The following CSMD1 variants were observed in gnomAD, a reference collection of about 807,000 sequenced individuals.
CSMD1 encodes the protein CUB and sushi domain-containing protein 1.
A neutral mutation model predicts 417.5 loss-of-function variants in CSMD1; 213 were observed. That is an observed-to-expected ratio of 0.51 (90% CI 0.46 to 0.57). CSMD1 has a LOEUF of 0.57. Among genes scored for constraint, CSMD1 ranks in the 20% least tolerant of loss-of-function variants. The pLI is 0.00. For missense variants in CSMD1, 6,923 were observed against 4,529.7 expected (o/e 1.53, Z -15.17); for synonymous variants, 2,862 against 1,736.8 (o/e 1.65, Z -16.11).
chr8:4,436,230 G>C (rs1238060), intron 2 of CSMD1, among the ~76,000 whole-genome samples: 2 of 151,994 alleles, frequency 1.3e-5, no homozygotes, highest in East Asian at 3.9e-4. Context: ...ACTTATTGTA[G>C]GACAAAATTA....
intron 3 of CSMD1, among the ~76,000 whole-genome samples, chr8:4,118,557 G>A (rs937683304): frequency 4.6e-5 from 7 of 152,190 alleles, no homozygotes; most frequent in African/African-American, 1.2e-4. Context: ...TCTCACGCCA[G>A]TAAAAATGGC....
intron 8 of CSMD1, among the ~76,000 whole-genome samples, chr8:3,602,249 G>C (rs1294469657): frequency 2.6e-5 from 4 of 152,280 alleles, no homozygotes; most frequent in Middle Eastern, 3.4e-3. Flanking sequence ...GGTAACTGGA[G>C]TGTGTTTAAT....
intron 1 of CSMD1, among the ~76,000 whole-genome samples, chr8:4,989,260 G>T (rs780156021): frequency 1.3e-4 from 19 of 151,952 alleles, no homozygotes; most frequent in Non-Finnish European, 1.8e-4. Flanking sequence ...GCATATCCAT[G>T]CCAGGTCTAC....
intron 3 of CSMD1, among the ~76,000 whole-genome samples, chr8:4,142,432 G>A (rs1324264583): frequency 6.6e-6 from 1 of 151,048 alleles, no homozygotes; most frequent in Non-Finnish European, 1.5e-5. Flanking sequence ...TACCATAACA[G>A]AACTAGTTTC....
Position 4,419,942 on chromosome 8 carries a change from C to A in CSMD1, c.415+11G>T. 6.5e-7 allele frequency: 1 copy of A among 1,533,262 alleles called. No homozygotes were observed. The highest frequency in any genetic ancestry group is 8.9e-7 in the Non-Finnish European group (1 of 1,125,476). 95.0% of individuals were successfully genotyped at this position (1,533,262 alleles called of 1,614,324 possible). On this transcript the variant is annotated intron_variant, in intron 3 of 69. Transcript: ENST00000635120. ...AGTGAATGCATGTGCAAAACACAAC[C>A]AATCTCCTACCTTCATATAATGCTT...
chr8:3,569,877 T>C (rs1364274245), intron 10 of CSMD1, among the ~76,000 whole-genome samples: 3 of 152,184 alleles, frequency 2.0e-5, no homozygotes, highest in Non-Finnish European at 4.4e-5. Flanking sequence ...ATACCTTGTT[T>C]CTTCTCTGAA....
chr8:3,172,860 G>A (rs369915093), intron 37 of CSMD1, among the ~76,000 whole-genome samples: 1 of 152,214 alleles, frequency 6.6e-6, no homozygotes, highest in East Asian at 1.9e-4. Flanking sequence ...ACAGTGGAGT[G>A]AGAAGCGGCA....
intron 1 of CSMD1, among the ~76,000 whole-genome samples, chr8:4,765,222 T>C (rs1044890579): frequency 9.2e-5 from 14 of 152,328 alleles, no homozygotes; most frequent in African/African-American, 3.1e-4. Flanking sequence ...GGCATAGCTC[T>C]TACCTAGGCT....
intron 11 of CSMD1, among the ~76,000 whole-genome samples, chr8:3,473,315 G>T (rs1465489452): frequency 6.6e-6 from 1 of 152,018 alleles, no homozygotes; most frequent in Non-Finnish European, 1.5e-5. Flanking sequence ...ACTCATTTTG[G>T]AATTTAAGCC....
chr8:4,258,172 T>G (rs1051701263), intron 3 of CSMD1, among the ~76,000 whole-genome samples: 2 of 150,390 alleles, frequency 1.3e-5, no homozygotes, highest in Admixed American at 1.3e-4. Context: ...CTCAAACTCC[T>G]GGCCTCAAGC....
At chr8:4,581,023 C>T (rs1022091354) in intron 2 of CSMD1, among the ~76,000 whole-genome samples, 2 of 152,148 alleles carry the variant, frequency 1.3e-5, no homozygotes, top group Non-Finnish European at 2.9e-5. Context: ...GTGGTCATGG[C>T]TAGGTAAATC....
At chr8:4,496,688 C>G (rs1585166177) in intron 2 of CSMD1, among the ~76,000 whole-genome samples, 1 of 152,146 alleles carries the variant, frequency 6.6e-6, no homozygotes, top group Non-Finnish European at 1.5e-5. Flanking sequence ...TCTGACAAAG[C>G]AGGCACAGCA....
At position 4,450,033 on chromosome 8, in the gene CSMD1, T is replaced by A. The variant is rs570167398; in HGVS notation, c.303-29968A>T. ...TGCTATGGCCTGGGTGTCCTGTCCT[T>A]GATGACTGGGTTCCACTTTTCTCCC... On this transcript the variant is annotated intron_variant, in intron 2 of 69. Coordinates refer to ENST00000635120, the MANE Select transcript of CSMD1 (RefSeq NM_033225.6). Among the ~76,000 whole-genome samples the A allele has an allele frequency of 3.9e-5, 6 of 152,320 alleles. No homozygotes were observed. In the South Asian group the frequency reaches 1.2e-3, roughly 32 times the overall value.
chr8:4,090,671 T>C (rs1800669950), intron 3 of CSMD1, among the ~76,000 whole-genome samples: 1 of 152,200 alleles, frequency 6.6e-6, no homozygotes, highest in Non-Finnish European at 1.5e-5. Context: ...AGAAAGCACA[T>C]CAATTTCCTA....
intron 2 of CSMD1, among the ~76,000 whole-genome samples, chr8:4,465,630 T>C (rs1240875092): frequency 6.6e-6 from 1 of 152,160 alleles, no homozygotes; most frequent in African/African-American, 2.4e-5. Context: ...AAGGCCTCAG[T>C]AGAACAAGAT....
chr8:4,412,580 T>C lies in CSMD1; in HGVS notation c.415+7373A>G, dbSNP rs571823494. Among the ~76,000 whole-genome samples, 73 of 151,960 alleles carry C rather than the reference T, an allele frequency of 4.8e-4. 1 individual carries two copies. Among genetic ancestry groups the C allele is most frequent in the South Asian group, 1.5e-3 (7 of 4,740 alleles). ...TTATACTAATACAAGAATGGACTAA[T>C]ACAGCCTCACAAGTGGAATTTCTCT... On this transcript the variant is annotated intron_variant, in intron 3 of 69. Coordinates refer to ENST00000635120, the MANE Select transcript of CSMD1 (RefSeq NM_033225.6).
At chr8:3,170,688 T>C (rs1428207414) in intron 37 of CSMD1, among the ~76,000 whole-genome samples, 1 of 152,204 alleles carries the variant, frequency 6.6e-6, no homozygotes, top group East Asian at 1.9e-4. Context: ...TGCACAACTG[T>C]AGGAAATACA....
chr8:4,013,514 G>A (rs1442521948), intron 4 of CSMD1, among the ~76,000 whole-genome samples: 1 of 152,148 alleles, frequency 6.6e-6, no homozygotes, highest in Non-Finnish European at 1.5e-5. Context: ...GCAGTGACCA[G>A]GCAGATGGTC....
At chr8:3,912,286 G>A (rs943753879) in intron 5 of CSMD1, among the ~76,000 whole-genome samples, 3 of 152,044 alleles carry the variant, frequency 2.0e-5, no homozygotes, top group East Asian at 1.9e-4. Flanking sequence ...ATATACGGAG[G>A]GTGAATATTT....
Sources: allele counts gnomAD v4.1 joint callset (sites outside exome capture counted in the v4.1 genomes callset), GRCh38; gene constraint gnomAD v4.1.1; transcripts MANE v1.5; gene names NCBI Gene and HGNC (gene_info 2026-07-23, HGNC 2026-07-21).